The following CTIF variants were observed in gnomAD, a reference collection of about 807,000 sequenced individuals.
The protein encoded by CTIF is CBP80/20-dependent translation initiation factor.
Under a neutral mutation model 66.0 loss-of-function variants are expected in CTIF, and 21 were observed. That is an observed-to-expected ratio of 0.32 (90% CI 0.23 to 0.46). The LOEUF (loss-of-function observed/expected upper bound fraction) is 0.46, where lower values mean the gene tolerates loss of function less well. CTIF is among the 20% of genes least tolerant of loss of function. The pLI is 1.00. For synonymous variants in CTIF, 345 were observed against 326.4 expected, an observed-to-expected ratio of 1.06 and a Z score of -0.62; for missense variants, 739 against 812.7, an observed-to-expected ratio of 0.91 and a Z score of 1.10.
At chr18:48,554,568 G>C (rs565099523) in intron 1 of CTIF, among the ~76,000 whole-genome samples, 1 of 152,382 alleles carries the variant, frequency 6.6e-6, no homozygotes, top group African/African-American at 2.4e-5. Context: ...ATCCACGATG[G>C]AGGAGCATTA....
chr18:48,839,978 T>C (rs1229170746), intron 10 of CTIF, among the ~76,000 whole-genome samples: 2 of 151,990 alleles, frequency 1.3e-5, no homozygotes, highest in African/African-American at 4.8e-5. Context: ...GTGAGCAGTG[T>C]GAAGAAAAGC....
chr18:48,622,564 G>T (rs971233500), intron 2 of CTIF, among the ~76,000 whole-genome samples: 1 of 152,124 alleles, frequency 6.6e-6, no homozygotes, highest in African/African-American at 2.4e-5. Flanking sequence ...ACAGCTGACC[G>T]CATGGAGGGT....
chr18:48,736,790 G>A lies in CTIF; in HGVS notation c.585-21129G>A, dbSNP rs977016141. 2.0e-4 allele frequency among the ~76,000 whole-genome samples: 30 copies of A among 152,276 alleles called. 1 individual carries two copies. Among genetic ancestry groups the A allele is most frequent in the South Asian group, 8.3e-4 (4 of 4,828 alleles). Reference sequence around the variant, plus strand: ...AGCTGACATTGGCCCGGCCTCAGGCGGGCAAAACATAAGGAGCCTCCTGTC... The same window carrying A: ...AGCTGACATTGGCCCGGCCTCAGGCAGGCAAAACATAAGGAGCCTCCTGTC... On this transcript the variant is annotated intron_variant, in intron 7 of 11. Transcript: ENST00000256413.
chr18:48,757,784 G>A, intron 7 of CTIF, 135 bp from the exon 8 acceptor site: 1 of 1,196,552 alleles, frequency 8.4e-7, no homozygotes, highest in Non-Finnish European at 1.2e-6. Flanking sequence ...GCACGTAGAA[G>A]GTGCTCAGGA....
At chr18:48,564,908 C>G (rs1238816340) in intron 1 of CTIF, 1 of 152,132 alleles carries the variant, frequency 6.6e-6, no homozygotes, top group African/African-American at 2.4e-5. Flanking sequence ...TGTGAGCCAC[C>G]AAGCCTGGTC....
intron 10 of CTIF, among the ~76,000 whole-genome samples, chr18:48,849,446 C>T (rs1458255094): frequency 1.3e-5 from 2 of 151,944 alleles, no homozygotes; most frequent in Non-Finnish European, 2.9e-5. Context: ...GATCCACCCA[C>T]CTTGGCCTCC....
rs1169797355 is a variant in CTIF at position 48,730,559 on chromosome 18, AGGGGCTTCTG to A, written c.584+18865_584+18874del. ...TGGTGTGAGGGGCTTCTGCTGTGTG[AGGGGCTTCTG>A]CGGTGTGAGGGGCCCCTGTGGTGTG... On this transcript the variant is annotated intron_variant, in intron 7 of 11. Coordinates refer to ENST00000256413, the MANE Select transcript of CTIF (RefSeq NM_014772.3). Among the ~76,000 whole-genome samples, 2 of 32,946 alleles carry A rather than the reference AGGGGCTTCTG, an allele frequency of 6.1e-5. 1 individual carries two copies. The highest frequency in any genetic ancestry group is 1.3e-4 in the Non-Finnish European group (2 of 15,348). The allele number at this position is 32,946 out of a possible 152,430, so 21.6% of individuals were successfully genotyped here.
chr18:48,542,245 C>A (rs572155873), intron 1 of CTIF, among the ~76,000 whole-genome samples: 1 of 152,334 alleles, frequency 6.6e-6, no homozygotes, highest in South Asian at 2.1e-4. Flanking sequence ...CCAGTTTCTA[C>A]CAGAATCATA....
At chr18:48,653,212 T>C (rs1364273052) in intron 3 of CTIF, among the ~76,000 whole-genome samples, 1 of 152,222 alleles carries the variant, frequency 6.6e-6, no homozygotes, top group African/African-American at 2.4e-5. Context: ...GATGACATGA[T>C]TGTATACTTA....
chr18:48,740,806 C>G (rs1181988406), intron 7 of CTIF, among the ~76,000 whole-genome samples: 1 of 152,142 alleles, frequency 6.6e-6, no homozygotes, highest in Admixed American at 6.5e-5. Flanking sequence ...TCATTAAAAC[C>G]ATTAAAAAAA....
At chr18:48,631,510 A>G (rs2144572053) in intron 2 of CTIF, among the ~76,000 whole-genome samples, 1 of 144,360 alleles carries the variant, frequency 6.9e-6, no homozygotes, top group African/African-American at 2.4e-5. Context: ...CCTGGGATGT[A>G]AAGACAAATA....
intron 9 of CTIF, among the ~76,000 whole-genome samples, chr18:48,809,551 A>G (rs1169456966): frequency 6.6e-6 from 1 of 152,072 alleles, no homozygotes; most frequent in Non-Finnish European, 1.5e-5. Context: ...TACTATCATG[A>G]GATTTTGTTT....
chr18:48,826,181 G>A (rs893884974), intron 10 of CTIF: 7 of 152,204 alleles, frequency 4.6e-5, no homozygotes, highest in African/African-American at 1.4e-4. Flanking sequence ...AATAAGCGAG[G>A]TGTTTCTGTG....
At chr18:48,637,244 C>T (rs1197742319) in intron 3 of CTIF, among the ~76,000 whole-genome samples, 1 of 152,164 alleles carries the variant, frequency 6.6e-6, no homozygotes. Flanking sequence ...CTGCTGCTTG[C>T]GGTGAGGTCC....
chr18:48,853,909 CCTT>C (rs2069266128), intron 10 of CTIF, among the ~76,000 whole-genome samples: 1 of 152,206 alleles, frequency 6.6e-6, no homozygotes, highest in Non-Finnish European at 1.5e-5. Flanking sequence ...TTTTGCCTCT[CCTT>C]CTTGACTATA....
chr18:48,801,649 A>G (rs2068051650), intron 9 of CTIF, among the ~76,000 whole-genome samples: 1 of 151,812 alleles, frequency 6.6e-6, no homozygotes, highest in South Asian at 2.1e-4. Flanking sequence ...ATAGCTTAGT[A>G]ACGCCTGTGT....
Position 48,727,581 on chromosome 18 carries a change from T to A in CTIF, c.584+15886T>A, listed in dbSNP as rs373201954. 6.6e-5 allele frequency among the ~76,000 whole-genome samples: 10 copies of A among 152,230 alleles called. No individual in the cohort carries two copies. In the South Asian group the frequency reaches 8.3e-4, roughly 13 times the overall value. On this transcript the variant is annotated intron_variant, in intron 7 of 11. Transcript: ENST00000256413. ...CTTTATGGGTCTTCTGTGATCCTATTGAGTCTGTTCCACCAAATAAAAGCC... is the reference window on the plus strand; with the variant it reads ...CTTTATGGGTCTTCTGTGATCCTATAGAGTCTGTTCCACCAAATAAAAGCC...
chr18:48,809,052 C>G (rs2068209836), intron 9 of CTIF, among the ~76,000 whole-genome samples: 1 of 152,152 alleles, frequency 6.6e-6, no homozygotes. Context: ...AAGACGTTCT[C>G]TTAAATCTTT....
At chr18:48,726,180 G>A (rs564931198) in intron 7 of CTIF, among the ~76,000 whole-genome samples, 7 of 152,174 alleles carry the variant, frequency 4.6e-5, no homozygotes, top group Non-Finnish European at 7.3e-5. Context: ...ACACATGTTC[G>A]GTTTATGTTT....
Sources: gnomAD v4.1 joint callset for allele counts (sites outside exome capture counted in the v4.1 genomes callset) on GRCh38, gnomAD v4.1.1 for gene constraint, MANE v1.5 for transcripts, NCBI Gene and HGNC (gene_info 2026-07-23, HGNC 2026-07-21) for gene names.